Variants in VCL observed in about 807,000 individuals in gnomAD.
The protein encoded by VCL is epididymis luminal protein 114.
A neutral mutation model predicts 125.7 loss-of-function variants in VCL; 47 were observed. That is an observed-to-expected ratio of 0.37 (90% CI 0.30 to 0.48). VCL has a LOEUF of 0.48. Ranked by LOEUF, VCL falls within the 20% of genes least tolerant of loss-of-function variation. The probability of loss-of-function intolerance (pLI) is 0.99; values close to 1 mark genes in which losing one functional copy is unlikely to be tolerated. For missense variants in VCL, 1,069 were observed against 1,455.5 expected, an observed-to-expected ratio of 0.73 and a Z score of 4.32; for synonymous variants, 458 against 514.6, an observed-to-expected ratio of 0.89 and a Z score of 1.49.
At chr10:74,045,199 A>C (rs981372405) in intron 2 of VCL, among the ~76,000 whole-genome samples, 1 of 152,046 alleles carries the variant, frequency 6.6e-6, no homozygotes, top group African/African-American at 2.4e-5. Context: ...TAAAAAGACA[A>C]AAAAAGAGAA....
chr10:74,099,737 G>A (rs1294934580), intron 13 of VCL, among the ~76,000 whole-genome samples: 1 of 152,188 alleles, frequency 6.6e-6, no homozygotes, highest in Non-Finnish European at 1.5e-5. Flanking sequence ...GTAGGTAAAA[G>A]CCCAGGAGAT....
chr10:74,049,866 T>A (rs1362371558), intron 2 of VCL, among the ~76,000 whole-genome samples: 1 of 152,190 alleles, frequency 6.6e-6, no homozygotes, highest in East Asian at 1.9e-4. Flanking sequence ...ACTGACCAGA[T>A]TTATTTTCTG....
chr10:74,116,686 CA>C lies in VCL; in HGVS notation c.3259-1325del, dbSNP rs34188235. On this transcript the variant is annotated intron_variant, in intron 21 of 21. Coordinates refer to ENST00000211998, the MANE Select transcript of VCL (RefSeq NM_014000.3). The stretch of plus-strand genomic sequence containing the variant: ...AGTTAACAAGAGTGAAACTCCGTCT[CA>C]AAAAAAAAAAATAATAATAAAATAA... 9.2e-4 allele frequency among the ~76,000 whole-genome samples: 126 copies of C among 136,336 alleles called. No individual in the cohort carries two copies. The South Asian group carries it at 0.01, about 11-fold the overall frequency. The allele number at this position is 136,336 out of a possible 152,430, so 89.4% of individuals were successfully genotyped here. A position where few individuals can be genotyped will look rare whatever the true frequency, so the allele number is the denominator to read the frequency against.
chr10:74,018,089 C>T (rs541988900), intron 1 of VCL, among the ~76,000 whole-genome samples: 109 of 147,106 alleles, frequency 7.4e-4, no homozygotes, highest in African/African-American at 2.6e-3. Flanking sequence ...AGCTGGAGAT[C>T]GTGCCACTGC....
chr10:74,106,273 A>G (rs1840133517), intron 16 of VCL, among the ~76,000 whole-genome samples: 1 of 152,074 alleles, frequency 6.6e-6, no homozygotes, highest in Non-Finnish European at 1.5e-5. Context: ...ATTTTGGAAA[A>G]TTTTCAAAAG....
intron 1 of VCL, among the ~76,000 whole-genome samples, chr10:74,021,215 T>G (rs1022964471): frequency 2.2e-4 from 34 of 152,090 alleles, no homozygotes; most frequent in Admixed American, 3.3e-4. Context: ...CCCTTTGCTG[T>G]GTTACTAAAA....
intron 21 of VCL, among the ~76,000 whole-genome samples, chr10:74,116,469 A>C (rs894704337): frequency 3.3e-5 from 5 of 152,168 alleles, no homozygotes; most frequent in Admixed American, 6.5e-5. Context: ...TAATCAATTA[A>C]CCACTAAAAA....
chr10:74,081,725 T>G (rs1038299628), intron 6 of VCL, among the ~76,000 whole-genome samples: 1 of 152,240 alleles, frequency 6.6e-6, no homozygotes, highest in Non-Finnish European at 1.5e-5. Flanking sequence ...TTATGCTAGT[T>G]TCCTGATAGT....
intron 20 of VCL, 135 bp from the exon 21 acceptor site, chr10:74,114,653 AACAAGTG>A (rs1426395934): frequency 4.0e-6 from 4 of 994,658 alleles, no homozygotes; most frequent in East Asian, 5.2e-5. Context: ...TAGGGGAAAA[AACAAGTG>A]GAATTCTGCT....
chr10:74,089,828 G>A (rs901147212), intron 9 of VCL, among the ~76,000 whole-genome samples, 195 bp from the exon 10 acceptor site: 2 of 152,026 alleles, frequency 1.3e-5, no homozygotes, highest in Non-Finnish European at 1.5e-5. Context: ...GCTAATGGGT[G>A]TAAAAAAATT....
chr10:74,006,525 T>A (rs1480782359), intron 1 of VCL, among the ~76,000 whole-genome samples: 2 of 152,234 alleles, frequency 1.3e-5, no homozygotes, highest in African/African-American at 4.8e-5. Context: ...CTTAGATATT[T>A]GTTTAAAAAC....
At chr10:74,052,550 G>A (rs1270525650) in intron 2 of VCL, among the ~76,000 whole-genome samples, 1 of 151,584 alleles carries the variant, frequency 6.6e-6, no homozygotes, top group Non-Finnish European at 1.5e-5. Context: ...CTGATTTTTT[G>A]TATTTTGGTA....
chr10:74,027,582 A>AC lies in VCL; in HGVS notation c.169-15498dup, dbSNP rs928282789. On this transcript the variant is annotated intron_variant, in intron 1 of 21. Coordinates refer to ENST00000211998, the MANE Select transcript of VCL (RefSeq NM_014000.3). Reference sequence around the variant, plus strand: ...AGGCTGAGGCAGGAGAATCGCTTGAACCCGGGGGGCGGATGTTGCAGCCAT... The same window carrying AC: ...AGGCTGAGGCAGGAGAATCGCTTGAACCCCGGGGGGCGGATGTTGCAGCCAT... 24 of 139,854 alleles carry AC rather than the reference A, an allele frequency of 1.7e-4. No individual in the cohort carries two copies. The Admixed American group carries it at 1.8e-3, about 10-fold the overall frequency. The allele number at this position is 139,854 out of a possible 1,614,324, so 8.7% of individuals were successfully genotyped here.
At chr10:74,039,070 C>T (rs1841041659) in intron 1 of VCL, among the ~76,000 whole-genome samples, 1 of 152,120 alleles carries the variant, frequency 6.6e-6, no homozygotes, top group Admixed American at 6.6e-5. Flanking sequence ...CGCCACCACG[C>T]CCAGCTAATT....
chr10:74,020,449 G>A (rs1840639062), intron 1 of VCL, among the ~76,000 whole-genome samples: 1 of 152,144 alleles, frequency 6.6e-6, no homozygotes, highest in African/African-American at 2.4e-5. Flanking sequence ...CTCAAAGGAT[G>A]GCGCATAAGG....
intron 8 of VCL, 145 bp downstream of exon 8, chr10:74,083,658 A>G: frequency 3.0e-6 from 3 of 988,064 alleles, no homozygotes; most frequent in Non-Finnish European, 4.5e-6. Flanking sequence ...TTCTTTTGAG[A>G]TGGAGGTGAA....
intron 6 of VCL, chr10:74,077,762 A>C: frequency 4.4e-6 from 2 of 455,178 alleles, no homozygotes; most frequent in Middle Eastern, 3.3e-4. Context: ...AGTGGAAAAA[A>C]TTCTTGGTAA....
At chr10:74,014,433 C>G (rs748860014) in intron 1 of VCL, among the ~76,000 whole-genome samples, 12 of 151,808 alleles carry the variant, frequency 7.9e-5, no homozygotes, top group Non-Finnish European at 1.3e-4. Flanking sequence ...CGGGGTTTTC[C>G]CATGTTGCCC....
intron 1 of VCL, among the ~76,000 whole-genome samples, chr10:74,018,949 AT>A (rs1840611284): frequency 2.6e-5 from 4 of 151,302 alleles, no homozygotes; most frequent in African/African-American, 2.4e-5. Flanking sequence ...CTGTTTCTTG[AT>A]TTTTTTTTCA....
Sources: allele counts gnomAD v4.1 joint callset (sites outside exome capture counted in the v4.1 genomes callset), GRCh38; gene constraint gnomAD v4.1.1; transcripts MANE v1.5; gene names NCBI Gene and HGNC (gene_info 2026-07-23, HGNC 2026-07-21).